GSE1: variants seen among roughly 807,000 people sequenced by gnomAD.
The protein encoded by GSE1 is genetic suppressor element 1.
A neutral mutation model predicts 112.6 loss-of-function variants in GSE1; 32 were observed. That is an observed-to-expected ratio of 0.28 (90% CI 0.21 to 0.38). The LOEUF (loss-of-function observed/expected upper bound fraction) is 0.38. Among genes scored for constraint, GSE1 ranks in the 10% least tolerant of loss-of-function variants. GSE1 has a pLI of 1.00. For synonymous variants in GSE1, 1,115 were observed against 735.6 expected (o/e 1.52, Z -8.35); for missense variants, 2,348 against 1,699.2 (o/e 1.38, Z -6.71).
intron 1 of GSE1, among the ~76,000 whole-genome samples, chr16:85,314,836 C>G (rs2045954334): frequency 6.6e-6 from 1 of 152,180 alleles, no homozygotes; most frequent in South Asian, 2.1e-4. Flanking sequence ...TCCAAGGCCT[C>G]TTGGAGAGGA....
rs373008392 is a variant in GSE1, at chr16:85,656,676, G to A, written c.1312+11G>A. 1.8e-4 allele frequency: 274 copies of A among 1,496,630 alleles called. 1 individual carries two copies. In the African/African-American group the frequency reaches 2.9e-3, roughly 16 times the overall value. 92.7% of individuals were successfully genotyped at this position (1,496,630 alleles called of 1,614,324 possible). ...CCCCAACCCGAGCAGGTACCTGGGC[G>A]TGGGTGGGCTGTGCTGGGCAAGGTC... is the stretch of plus-strand genomic sequence containing the variant. On this transcript the variant is annotated intron_variant, in intron 7 of 15. Transcript: ENST00000253458.
chr16:85,655,191 C>T (rs993720165), intron 5 of GSE1, among the ~76,000 whole-genome samples, 200 bp downstream of exon 5: 1 of 152,218 alleles, frequency 6.6e-6, no homozygotes, highest in African/African-American at 2.4e-5. Context: ...GGTAGACAGT[C>T]CCCCTTGGTG....
At chr16:85,190,879 C>T (rs2074806064) in intron 1 of GSE1, among the ~76,000 whole-genome samples, 1 of 152,254 alleles carries the variant, frequency 6.6e-6, no homozygotes, top group African/African-American at 2.4e-5. Flanking sequence ...TGCAGACCCA[C>T]TGCTCTTTCA....
At chr16:85,551,312 A>T (rs552077372), upstream of GSE1, among the ~76,000 whole-genome samples, 1 of 152,120 alleles carries the variant, frequency 6.6e-6, no homozygotes, top group African/African-American at 2.4e-5. Context: ...CCCTTCTCAC[A>T]TGGGCACCTG....
chr16:85,268,079 G>A (rs1908435182), intron 1 of GSE1, among the ~76,000 whole-genome samples: 1 of 152,164 alleles, frequency 6.6e-6, no homozygotes, highest in African/African-American at 2.4e-5. Flanking sequence ...AGGAGGTGGG[G>A]TTCACTATGC....
chr16:85,590,069 C>G (rs546833359), intron 1 of GSE1, among the ~76,000 whole-genome samples: 19 of 152,076 alleles, frequency 1.2e-4, no homozygotes, highest in Admixed American at 3.3e-4. Context: ...ATGAATGTAT[C>G]TGATTGTGAA....
intron 2 of GSE1, among the ~76,000 whole-genome samples, chr16:85,446,910 A>G (rs1229265559): frequency 1.3e-5 from 2 of 151,928 alleles, no homozygotes; most frequent in Non-Finnish European, 2.9e-5. Flanking sequence ...CTGCACGGGC[A>G]CACCCTCCTC....
chr16:85,390,833 A>C (rs1199219632), intron 2 of GSE1, among the ~76,000 whole-genome samples: 1 of 152,002 alleles, frequency 6.6e-6, no homozygotes, highest in Non-Finnish European at 1.5e-5. Flanking sequence ...CCTTAAGCAA[A>C]GGTTATTGGA....
intron 1 of GSE1, among the ~76,000 whole-genome samples, chr16:85,344,525 C>T (rs1362766630): frequency 2.0e-5 from 3 of 152,204 alleles, no homozygotes; most frequent in African/African-American, 7.2e-5. Flanking sequence ...TGATGGGCAC[C>T]AGGAGCATGT....
chr16:85,273,975 G>A (rs939123709), intron 1 of GSE1, among the ~76,000 whole-genome samples: 3 of 151,326 alleles, frequency 2.0e-5, no homozygotes, highest in African/African-American at 4.9e-5. Context: ...GGGATTACAG[G>A]TGTGAGCCAC....
At chr16:85,582,325 C>T (rs2046482449) in intron 1 of GSE1, among the ~76,000 whole-genome samples, 1 of 152,228 alleles carries the variant, frequency 6.6e-6, no homozygotes, top group Non-Finnish European at 1.5e-5. Flanking sequence ...CATCCCTTCG[C>T]CTTCGGGTGG....
chr16:85,646,894 G>GT (rs902400470), intron 2 of GSE1, among the ~76,000 whole-genome samples: 46 of 79,864 alleles, frequency 5.8e-4, no homozygotes, highest in Non-Finnish European at 1.1e-3. Context: ...CCACAACAAG[G>GT]GGGGGGGTGG....
chr16:85,643,177 G>A (rs1243966946), intron 2 of GSE1, among the ~76,000 whole-genome samples: 1 of 152,230 alleles, frequency 6.6e-6, no homozygotes, highest in Non-Finnish European at 1.5e-5. Flanking sequence ...TCAGACAGCA[G>A]AGGTGACGCG....
intron 2 of GSE1, among the ~76,000 whole-genome samples, chr16:85,522,515 G>T (rs1280214809): frequency 1.3e-5 from 2 of 152,174 alleles, no homozygotes; most frequent in Non-Finnish European, 2.9e-5. Flanking sequence ...ATTGGATCCA[G>T]CCAGTGGTGC....
intron 1 of GSE1, among the ~76,000 whole-genome samples, chr16:85,597,019 C>A (rs769462447): frequency 4.7e-4 from 71 of 151,944 alleles, no homozygotes; most frequent in Non-Finnish European, 8.8e-4. Flanking sequence ...CCTCTGTCAC[C>A]CAGGCTGGAG....
chr16:85,276,628 G>A (rs1176760671), intron 1 of GSE1, among the ~76,000 whole-genome samples: 1 of 152,250 alleles, frequency 6.6e-6, no homozygotes, highest in African/African-American at 2.4e-5. Flanking sequence ...GGGGCTAGTA[G>A]AGGCAAGTGG....
At chr16:85,217,834 C>G (rs2143717693) in intron 1 of GSE1, among the ~76,000 whole-genome samples, 1 of 152,330 alleles carries the variant, frequency 6.6e-6, no homozygotes, top group Non-Finnish European at 1.5e-5. Flanking sequence ...TGACTACCAC[C>G]TGTGCACTCC....
At chr16:85,463,009 C>T (rs1391787695) in intron 2 of GSE1, 1 of 705,510 alleles carries the variant, frequency 1.4e-6, no homozygotes, top group African/African-American at 1.9e-5. Context: ...CCCTACTGCT[C>T]GCCTCCGCCG....
intron 2 of GSE1, among the ~76,000 whole-genome samples, chr16:85,372,486 C>CAAAAAAAA (rs3030350): frequency 1.1e-5 from 1 of 87,556 alleles, no homozygotes; most frequent in Non-Finnish European, 2.2e-5. Context: ...CTCTGTCTCA[C>CAAAAAAAA]AAAAAAAAAA....
Sources: allele counts gnomAD v4.1 joint callset (sites outside exome capture counted in the v4.1 genomes callset), GRCh38; gene constraint gnomAD v4.1.1; transcripts MANE v1.5; gene names NCBI Gene and HGNC (gene_info 2026-07-23, HGNC 2026-07-21).